ANK2: variants seen among roughly 807,000 people sequenced by gnomAD.
ANK2 encodes the protein ankyrin 2.
In ANK2, 83 loss-of-function variants were observed where a neutral mutation model predicts 360.5. That is an observed-to-expected ratio of 0.23 (90% CI 0.19 to 0.28). ANK2 has a LOEUF of 0.28. ANK2 is among the 10% of genes least tolerant of loss of function. ANK2 has a pLI of 1.00. For synonymous variants in ANK2, 1,740 were observed against 1,759.5 expected (o/e 0.99, Z 0.28); for missense variants, 4,201 against 4,795.7 (o/e 0.88, Z 3.66).
intron 2 of ANK2, among the ~76,000 whole-genome samples, chr4:113,177,766 G>C (rs763286142): frequency 1.3e-5 from 2 of 152,214 alleles, no homozygotes; most frequent in South Asian, 2.1e-4. Context: ...CTGTGAGAAG[G>C]CAACATGATC....
chr4:112,806,281 G>A, the ANK2 span, among the ~76,000 whole-genome samples: 1 of 151,902 alleles, frequency 6.6e-6, no homozygotes, highest in Non-Finnish European at 1.5e-5. Flanking sequence ...TACCTCCCAC[G>A]TATGAATGAG....
intron 4 of ANK2, among the ~76,000 whole-genome samples, chr4:113,203,754 G>T (rs2098894581): frequency 6.6e-6 from 1 of 152,016 alleles, no homozygotes. Flanking sequence ...ATGACAAATT[G>T]AGACTCAGGT....
intron 1 of ANK2, among the ~76,000 whole-genome samples, chr4:113,114,144 T>C (rs769915745): frequency 3.9e-5 from 6 of 152,180 alleles, no homozygotes; most frequent in Non-Finnish European, 5.9e-5. Context: ...TGTTTTGTGA[T>C]TTGAATAGTA....
chr4:113,046,294 T>C (rs952794636), upstream of ANK2, among the ~76,000 whole-genome samples: 1 of 152,198 alleles, frequency 6.6e-6, no homozygotes, highest in Admixed American at 6.5e-5. Flanking sequence ...TACATCTATG[T>C]TATACTGTAT....
the ANK2 span, among the ~76,000 whole-genome samples, chr4:112,794,675 A>G: frequency 3.9e-5 from 6 of 152,212 alleles, no homozygotes; most frequent in Non-Finnish European, 8.8e-5. Flanking sequence ...ATAAAGAAGC[A>G]CTTTCTTCTG....
At chr4:112,782,166 A>G in the ANK2 span, among the ~76,000 whole-genome samples, 3 of 152,286 alleles carry the variant, frequency 2.0e-5, no homozygotes, top group East Asian at 5.8e-4. Flanking sequence ...TTTAAGATAT[A>G]TATTGAAATG....
At chr4:113,331,225 A>C (rs966708043) in intron 27 of ANK2, among the ~76,000 whole-genome samples, 1 of 152,222 alleles carries the variant, frequency 6.6e-6, no homozygotes, top group African/African-American at 2.4e-5. Flanking sequence ...ATTGTATTTA[A>C]GTCTTGGTGC....
At chr4:113,128,991 G>A (rs2095842342) in intron 1 of ANK2, among the ~76,000 whole-genome samples, 1 of 152,140 alleles carries the variant, frequency 6.6e-6, no homozygotes, top group Non-Finnish European at 1.5e-5. Flanking sequence ...TTGGGAAAAT[G>A]GCTGATTTGA....
intron 1 of ANK2, among the ~76,000 whole-genome samples, chr4:113,165,767 G>A (rs2097729984): frequency 6.6e-6 from 1 of 152,096 alleles, no homozygotes; most frequent in African/African-American, 2.4e-5. Flanking sequence ...AAGCAGTAAT[G>A]TCTTAAATCT....
At chr4:112,805,063 A>G in the ANK2 span, among the ~76,000 whole-genome samples, 1 of 152,212 alleles carries the variant, frequency 6.6e-6, no homozygotes, top group Non-Finnish European at 1.5e-5. Flanking sequence ...CTGAACACCC[A>G]GGAAGAATAG....
chr4:112,738,875 A>C, the ANK2 span: 1 of 665,182 alleles, frequency 1.5e-6, no homozygotes. Context: ...ACAAACAAAC[A>C]AACAAACAAA....
chr4:112,931,046 C>T (rs2093168410), intron 2 of ANK2, among the ~76,000 whole-genome samples: 1 of 152,094 alleles, frequency 6.6e-6, no homozygotes, highest in African/African-American at 2.4e-5. Context: ...AACACAAGGT[C>T]ATGGAGGCCT....
chr4:113,346,919 T>C (rs1588725337), intron 35 of ANK2, among the ~76,000 whole-genome samples: 1 of 152,212 alleles, frequency 6.6e-6, no homozygotes, highest in Non-Finnish European at 1.5e-5. Flanking sequence ...TGTTTCATTC[T>C]TTTAAATTTT....
chr4:112,905,763 G>A (rs373510836), intron 2 of ANK2, among the ~76,000 whole-genome samples: 1 of 152,184 alleles, frequency 6.6e-6, no homozygotes, highest in South Asian at 2.1e-4. Context: ...CCGGGCTCAA[G>A]TGATCCTCCC....
At position 113,095,090 on chromosome 4, in the gene ANK2, T is replaced by C. The variant is rs557933214; in HGVS notation, c.84+45278T>C. ...GGCAGGGGCTGGTGAAATAGAACAT[T>C]AGATCTTCAAAAATGGAAGGTGAGA... On this transcript the variant is annotated intron_variant, in intron 1 of 45. Coordinates refer to ENST00000357077, the MANE Select transcript of ANK2 (RefSeq NM_001148.6). Among the ~76,000 whole-genome samples, 5 of 152,270 alleles carry C rather than the reference T, an allele frequency of 3.3e-5. No homozygotes were observed. In the South Asian group the frequency reaches 1.0e-3, roughly 32 times the overall value.
intron 1 of ANK2, chr4:112,880,558 A>G (rs1454581083): frequency 6.6e-6 from 1 of 152,230 alleles, no homozygotes; most frequent in South Asian, 2.1e-4. Context: ...TGCCAATAGT[A>G]AAGCATCCTC....
chr4:113,009,537 G>T (rs1205618786), intron 2 of ANK2, among the ~76,000 whole-genome samples: 1 of 152,156 alleles, frequency 6.6e-6, no homozygotes. Context: ...AATACATCGA[G>T]AAGATTTTTC....
Position 113,345,966 on chromosome 4 carries a change from G to T in ANK2, c.4315G>T (p.Gly1439Cys), listed in dbSNP as rs34591340. ...TATGAAGGAGCCAAAATCCACGAGAGGCCTGGTGCATCAAGCTATTTGCAA... is the reference window on the plus strand; with the variant it reads ...TATGAAGGAGCCAAAATCCACGAGATGCCTGGTGCATCAAGCTATTTGCAA... Reference protein sequence around the residue: ...SFMKEPKSTRGLVHQAICNLN... With the variant: ...SFMKEPKSTRCLVHQAICNLN... Residue 1439 changes from glycine to cysteine, a missense_variant, in exon 35 of 46, where the codon GGC (glycine) becomes TGC (cysteine). Physicochemically the swap from Gly to Cys is radical, Grantham distance 159. Transcript: ENST00000357077. 519 of 1,613,736 alleles carry T rather than the reference G, an allele frequency of 3.2e-4. No homozygotes were observed. The highest frequency in any genetic ancestry group is 4.0e-4 in the Non-Finnish European group (471 of 1,179,684).
chr4:113,013,931 C>T (rs1171546406), intron 2 of ANK2, among the ~76,000 whole-genome samples: 2 of 151,790 alleles, frequency 1.3e-5, no homozygotes, highest in Non-Finnish European at 2.9e-5. Context: ...AGTTTTAGGC[C>T]CTAAACTTTT....
Sources: gnomAD v4.1 joint callset for allele counts (sites outside exome capture counted in the v4.1 genomes callset) on GRCh38, gnomAD v4.1.1 for gene constraint, MANE v1.5 for transcripts, NCBI Gene and HGNC (gene_info 2026-07-23, HGNC 2026-07-21) for gene names.